The following EHBP1 variants were observed in gnomAD, a reference collection of about 807,000 sequenced individuals.
EHBP1 encodes the protein EH domain binding protein 1, also known as EH domain-binding protein 1.
In EHBP1, 55 loss-of-function variants were observed where a neutral mutation model predicts 144.0. That is an observed-to-expected ratio of 0.38 (90% CI 0.31 to 0.48). The LOEUF (loss-of-function observed/expected upper bound fraction) is 0.48, where lower values mean the gene tolerates loss of function less well. Among genes scored for constraint, EHBP1 ranks in the 20% least tolerant of loss-of-function variants. The probability of loss-of-function intolerance (pLI) is 0.98; values close to 1 mark genes in which losing one functional copy is unlikely to be tolerated. For synonymous variants in EHBP1, 469 were observed against 472.7 expected (o/e 0.99, Z 0.10); for missense variants, 1,200 against 1,364.2 (o/e 0.88, Z 1.90).
chr2:62,721,035 T>G (rs975125215), intron 2 of EHBP1, among the ~76,000 whole-genome samples: 3 of 152,218 alleles, frequency 2.0e-5, no homozygotes, highest in African/African-American at 7.2e-5. Context: ...CAGGACTTTA[T>G]TAGATTTTAC....
chr2:62,891,916 T>G (rs1316929600), intron 10 of EHBP1, among the ~76,000 whole-genome samples: 1 of 152,128 alleles, frequency 6.6e-6, no homozygotes, highest in Non-Finnish European at 1.5e-5. Context: ...AGCCAGTAAT[T>G]GAAAATACAT....
chr2:62,926,714 A>C (rs377698053), intron 10 of EHBP1, among the ~76,000 whole-genome samples: 1 of 152,132 alleles, frequency 6.6e-6, no homozygotes, highest in Non-Finnish European at 1.5e-5. Flanking sequence ...GGATGCAGAG[A>C]AAAGGAAACT....
At chr2:62,878,028 A>C (rs1164707830) in intron 10 of EHBP1, among the ~76,000 whole-genome samples, 1 of 152,210 alleles carries the variant, frequency 6.6e-6, no homozygotes, top group Non-Finnish European at 1.5e-5. Flanking sequence ...ACAGTACAAA[A>C]AAATTAATGA....
intron 2 of EHBP1, among the ~76,000 whole-genome samples, chr2:62,716,049 CTT>C (rs998847057): frequency 1.3e-5 from 2 of 152,196 alleles, no homozygotes; most frequent in African/African-American, 4.8e-5. Context: ...TACTCCTACT[CTT>C]TCATTCTGAA....
chr2:63,020,227 G>T (rs2060669665), intron 19 of EHBP1, among the ~76,000 whole-genome samples: 1 of 150,032 alleles, frequency 6.7e-6, no homozygotes. Context: ...GAGAGGCTGA[G>T]TCAGGAGAAT....
At chr2:62,778,048 A>G (rs1232762049) in intron 5 of EHBP1, among the ~76,000 whole-genome samples, 3 of 152,128 alleles carry the variant, frequency 2.0e-5, no homozygotes, top group Non-Finnish European at 2.9e-5. Flanking sequence ...CGTGAAGATC[A>G]GTGGGGTATC....
At chr2:62,726,746 T>C (rs1480288349) in intron 2 of EHBP1, 1 of 152,244 alleles carries the variant, frequency 6.6e-6, no homozygotes, top group Non-Finnish European at 1.5e-5. Flanking sequence ...CAGCCTGGTT[T>C]TGTTTTTTAT....
chr2:62,908,643 A>T (rs749403070), intron 10 of EHBP1, among the ~76,000 whole-genome samples: 2 of 151,900 alleles, frequency 1.3e-5, no homozygotes, highest in African/African-American at 2.4e-5. Flanking sequence ...ATACTTCCTA[A>T]TTTTTTTTAT....
chr2:62,716,280 C>T (rs1189525656), intron 2 of EHBP1, among the ~76,000 whole-genome samples: 1 of 152,138 alleles, frequency 6.6e-6, no homozygotes, highest in East Asian at 1.9e-4. Flanking sequence ...GGCTTCAATC[C>T]CCTTTTCCTA....
chr2:62,809,930 T>A (rs2152527212), intron 5 of EHBP1, among the ~76,000 whole-genome samples: 1 of 152,312 alleles, frequency 6.6e-6, no homozygotes, highest in Non-Finnish European at 1.5e-5. Context: ...GTACCACCCT[T>A]TCTAAGAGTG....
chr2:62,923,740 C>T (rs1301272992), intron 10 of EHBP1, among the ~76,000 whole-genome samples: 3 of 152,114 alleles, frequency 2.0e-5, no homozygotes, highest in East Asian at 1.9e-4. Context: ...AGAAACACTC[C>T]GAGGCCTAAG....
chr2:62,887,848 C>CA (rs1281641304), intron 10 of EHBP1, among the ~76,000 whole-genome samples: 5 of 152,152 alleles, frequency 3.3e-5, no homozygotes, highest in South Asian at 2.1e-4. Flanking sequence ...TGCAAAAACA[C>CA]AAAAAAACCC....
At chr2:62,742,736 G>T (rs1422994622) in intron 2 of EHBP1, among the ~76,000 whole-genome samples, 1 of 152,022 alleles carries the variant, frequency 6.6e-6, no homozygotes, top group Non-Finnish European at 1.5e-5. Context: ...TTAAGACAAA[G>T]AACACTACTC....
chr2:62,769,449 C>T (rs2041457305), intron 4 of EHBP1, among the ~76,000 whole-genome samples: 1 of 151,910 alleles, frequency 6.6e-6, no homozygotes, highest in Non-Finnish European at 1.5e-5. Flanking sequence ...TACAGCTAAC[C>T]AGGGAGGTGA....
intron 4 of EHBP1, among the ~76,000 whole-genome samples, chr2:62,767,815 A>G (rs1330127649): frequency 7.3e-6 from 1 of 137,378 alleles, no homozygotes; most frequent in Admixed American, 7.1e-5. Flanking sequence ...CAGCCTGGAC[A>G]GCAGAGCAAG....
At chr2:62,934,616 G>A (rs929389491) in intron 10 of EHBP1, among the ~76,000 whole-genome samples, 3 of 152,300 alleles carry the variant, frequency 2.0e-5, no homozygotes, top group East Asian at 1.9e-4. Context: ...GAAAGATCAG[G>A]TGGGTAAGTG....
At chr2:62,756,134 A>G (rs924507877) in intron 3 of EHBP1, among the ~76,000 whole-genome samples, 3 of 151,964 alleles carry the variant, frequency 2.0e-5, no homozygotes, top group Admixed American at 6.6e-5. Context: ...AAGAATACCT[A>G]TATTTGATGT....
At chr2:62,753,338 C>G (rs2039941399) in intron 3 of EHBP1, among the ~76,000 whole-genome samples, 2 of 152,292 alleles carry the variant, frequency 1.3e-5, no homozygotes, top group African/African-American at 4.8e-5. Context: ...CCCCCACTCT[C>G]TTCTGGCTTG....
At chr2:62,855,517 C>T (rs1015010439) in intron 7 of EHBP1, among the ~76,000 whole-genome samples, 1 of 152,116 alleles carries the variant, frequency 6.6e-6, no homozygotes, top group Non-Finnish European at 1.5e-5. Context: ...GGCCTGAAGG[C>T]TGGGGGCCAG....
Sources: allele counts gnomAD v4.1 joint callset (sites outside exome capture counted in the v4.1 genomes callset), GRCh38; gene constraint gnomAD v4.1.1; transcripts MANE v1.5; gene names NCBI Gene and HGNC (gene_info 2026-07-23, HGNC 2026-07-21).